WDR91: variants seen among roughly 807,000 people sequenced by gnomAD.
WDR91 encodes WD repeat domain 91.
WDR91 carries 52 observed loss-of-function variants against 88.4 expected under a neutral mutation model. The observed-to-expected ratio is 0.59, with a 90% CI of 0.47 to 0.74. The LOEUF is 0.74. Ranked by LOEUF, WDR91 falls within the 30% of genes least tolerant of loss-of-function variation. The pLI is 0.00. For missense variants in WDR91, 824 were observed against 954.5 expected, an observed-to-expected ratio of 0.86 and a Z score of 1.80; for synonymous variants, 362 against 389.5, an observed-to-expected ratio of 0.93 and a Z score of 0.83.
intron 6 of WDR91, among the ~76,000 whole-genome samples, chr7:135,203,341 A>G (rs1831640603): frequency 6.6e-6 from 1 of 152,230 alleles, no homozygotes; most frequent in South Asian, 2.1e-4. Context: ...CTGGTAGGAG[A>G]AGAAGCCACA....
chr7:135,201,137 G>A (rs537997832), intron 6 of WDR91, among the ~76,000 whole-genome samples: 61 of 152,214 alleles, frequency 4.0e-4, no homozygotes, highest in Middle Eastern at 3.4e-3. Flanking sequence ...CATTACAGCC[G>A]ATTAAAAGTT....
At chr7:135,210,066 C>T (rs747369951) in intron 1 of WDR91, among the ~76,000 whole-genome samples, 1 of 152,142 alleles carries the variant, frequency 6.6e-6, no homozygotes, top group African/African-American at 2.4e-5. Context: ...GCAGTGTCAT[C>T]AGGCCAGGCA....
chr7:135,198,340 TACCCGTTAAGAGGACAGGTC>T lies in WDR91; in HGVS notation c.892-209_892-190del, dbSNP rs1185575733. The stretch of plus-strand genomic sequence containing the variant: ...CTATGACCTCCTCCTTTCTGTCCTC[TACCCGTTAAGAGGACAGGTC>T]ACCTGCAATCCTCATCCTGCGGTAT... On this transcript the variant is annotated intron_variant, in intron 6 of 14. Coordinates refer to ENST00000354475, the MANE Select transcript of WDR91 (RefSeq NM_014149.4). 8 of 596,204 alleles carry T rather than the reference TACCCGTTAAGAGGACAGGTC, an allele frequency of 1.3e-5. No individual in the cohort carries two copies. The Admixed American group carries it at 2.5e-4, about 18-fold the overall frequency. 36.9% of individuals were successfully genotyped at this position (596,204 alleles called of 1,614,324 possible). A position where few individuals can be genotyped will look rare whatever the true frequency, so the allele number is the denominator to read the frequency against.
In WDR91 at chr7:135,193,374, TG is replaced by T; in HGVS notation, c.1515del (p.Asn506ThrfsTer30). 6.2e-7 allele frequency: 1 copy of T among 1,614,150 alleles called. No homozygotes were observed. On this transcript the variant is annotated frameshift_variant, in exon 11 of 15. Transcript: ENST00000354475. LOFTEE classifies it high-confidence loss of function. ...MPRILSLACSPNGASFVCSAA... is the reference protein window; with the variant it reads ...MPRILSLACSXNGASFVCSAA... ...GCCGAACAGACGAAAGAGGCCCCGT[TG>T]GGGCTGCACGCAAGAGACAGGATTC...
rs1585404086 is a variant in WDR91, at chr7:135,189,413, A to G, written c.1699T>C (p.Cys567Arg). 1 of 1,613,972 alleles carries G rather than the reference A, an allele frequency of 6.2e-7. No homozygotes were observed. The highest frequency in any genetic ancestry group is 8.5e-7 in the Non-Finnish European group (1 of 1,179,868). ...SLDPEPIAIN[C>R]TAFNHNGNLL... ...TTCCCGTTGTGATTGAAGGCTGTACAGTTGATAGCAATGGGTTCTGGATCC... is the reference window on the plus strand; with the variant it reads ...TTCCCGTTGTGATTGAAGGCTGTACGGTTGATAGCAATGGGTTCTGGATCC... Residue 567 changes from cysteine to arginine, a missense_variant, in exon 12 of 15, where the codon TGT becomes CGT. Coordinates refer to ENST00000354475, the MANE Select transcript of WDR91 (RefSeq NM_014149.4).
Position 135,210,704 on chromosome 7 carries a change from A to T in WDR91, c.123+676T>A, listed in dbSNP as rs1230999085. 5.8e-6 allele frequency: 4 copies of T among 692,752 alleles called. No homozygotes were observed. In the East Asian group the frequency reaches 1.1e-4, roughly 19 times the overall value. 42.9% of individuals were successfully genotyped at this position (692,752 alleles called of 1,614,324 possible). A position where few individuals can be genotyped will look rare whatever the true frequency, so the allele number is the denominator to read the frequency against. On this transcript the variant is annotated intron_variant, in intron 1 of 14. Transcript: ENST00000354475. ...GATTTGCTTTTGCCACTAAGTAGCC[A>T]CTAACTTTGGCCAGGCAGGAAACCA...
intron 6 of WDR91, among the ~76,000 whole-genome samples, chr7:135,202,603 T>C (rs1464229935): frequency 1.3e-5 from 2 of 152,226 alleles, no homozygotes; most frequent in African/African-American, 4.8e-5. Flanking sequence ...CCTAACCACA[T>C]AGAGTAGGGC....
chr7:135,199,326 CAAAG>C (rs1300458940), intron 6 of WDR91: 3 of 152,188 alleles, frequency 2.0e-5, no homozygotes, highest in African/African-American at 4.8e-5. Context: ...CTTCCGTGAA[CAAAG>C]AAAGGATGGT....
Position 135,196,022 on chromosome 7 carries a change from G to T in WDR91, c.1244+122C>A. On this transcript the variant is annotated intron_variant, in intron 8 of 14. Transcript: ENST00000354475. This position sits in a 1 kb window ranked among gnomAD's most constrained non-coding sequence, Gnocchi z 4.2. ...TCCAACCGACTCCCATGACTCTACTGCCATGACTGTGGCCCTCGTCCAAGC... is the reference window on the plus strand; with the variant it reads ...TCCAACCGACTCCCATGACTCTACTTCCATGACTGTGGCCCTCGTCCAAGC... The T allele has an allele frequency of 1.0e-6, 1 of 969,442 alleles. No individual in the cohort carries two copies. 60.1% of individuals were successfully genotyped at this position (969,442 alleles called of 1,614,324 possible).
Position 135,184,001 on chromosome 7 carries a change from T to TGAC in WDR91, c.*2147_*2149dup, listed in dbSNP as rs1323735525. Reference sequence around the variant, plus strand: ...ATTAAGGGGAGAGAAAACTTTGAGATGACAAGAGGAAACGTTAATACCATT... The same window carrying TGAC: ...ATTAAGGGGAGAGAAAACTTTGAGATGACGACAAGAGGAAACGTTAATACCATT... On this transcript the variant is annotated 3_prime_UTR_variant, in exon 15 of 15. Coordinates refer to ENST00000354475, the MANE Select transcript of WDR91 (RefSeq NM_014149.4). 3 of 152,076 alleles carry TGAC rather than the reference T, an allele frequency of 2.0e-5. No homozygotes were observed. The highest frequency in any genetic ancestry group is 2.9e-5 in the Non-Finnish European group (2 of 68,012). The allele number at this position is 152,076 out of a possible 1,614,324, so 9.4% of individuals were successfully genotyped here.
chr7:135,206,133 A>G (rs1831770168), intron 4 of WDR91, 75 bp from the exon 5 acceptor site: 17 of 1,594,254 alleles, frequency 1.1e-5, no homozygotes, highest in South Asian at 3.3e-5. Flanking sequence ...TTCTAGACAC[A>G]TCGCATCCAA....
At position 135,186,984 on chromosome 7, in the gene WDR91, G is replaced by A. The variant is rs769815980; in HGVS notation, c.2067C>T (p.Gly689=). Residue 689 remains glycine (G), a synonymous_variant, in exon 14 of 15, where the codon GGC becomes GGT. Coordinates refer to ENST00000354475, the MANE Select transcript of WDR91 (RefSeq NM_014149.4). ...AACCATCAGTTACCTTGTAGATGAC[G>A]CCGCCTGTGGCAGAACATGTCAGCA... ...NYMLTCSATG[G]VIYKLGGDEK... 48 of 1,613,712 alleles carry A rather than the reference G, an allele frequency of 3.0e-5. No homozygotes were observed. The Middle Eastern group carries it at 1.6e-3, about 52-fold the overall frequency.
intron 12 of WDR91, 93 bp downstream of exon 12, chr7:135,189,251 C>T: frequency 9.1e-7 from 1 of 1,103,144 alleles, no homozygotes; most frequent in South Asian, 1.4e-5. Context: ...GCAAAAGCCT[C>T]TAGCCCAGCT....
Position 135,206,042 on chromosome 7 carries a change from G to C in WDR91, c.611C>G (p.Ala204Gly), listed in dbSNP as rs1562956963. The change falls in exon 5 of 15, where the codon GCT (alanine) becomes GGT (glycine). Residue 204 changes from alanine (A) to glycine (G), a missense_variant. Transcript: ENST00000354475. ...VLRQKLFALQ[A>G]EIHRLKKEEQ... ...CTCTTTCTTCAGTCGGTGGATTTCA[G>C]CTTGCAATGCAAAAAGCTATACAGG... is the stretch of plus-strand genomic sequence containing the variant. 7 of 1,614,102 alleles carry C rather than the reference G, an allele frequency of 4.3e-6. No homozygotes were observed. Among genetic ancestry groups the C allele is most frequent in the South Asian group, 2.2e-5 (2 of 91,096 alleles).
At chr7:135,188,956 C>T (rs113466400) in intron 12 of WDR91, among the ~76,000 whole-genome samples, 11 of 152,332 alleles carry the variant, frequency 7.2e-5, no homozygotes, top group African/African-American at 2.6e-4. Flanking sequence ...ACACAGCATG[C>T]CAGGTGATTC....
In WDR91 at chr7:135,196,127, C is replaced by T. The variant is rs1216236537; in HGVS notation, c.1244+17G>A. ...TCTGAGCTTCCCAGGGTTTCCTTGG[C>T]CCCAGGCCCAACCCACCTGCAGTGC... On this transcript the variant is annotated intron_variant, in intron 8 of 14. Coordinates refer to ENST00000354475, the MANE Select transcript of WDR91 (RefSeq NM_014149.4). This position sits in a 1 kb window ranked among gnomAD's most constrained non-coding sequence, Gnocchi z 4.2. 2 of 1,483,362 alleles carry T rather than the reference C, an allele frequency of 1.3e-6. No individual in the cohort carries two copies. The highest frequency in any genetic ancestry group is 2.3e-5 in the Admixed American group (1 of 44,214). The allele number at this position is 1,483,362 out of a possible 1,614,324, so 91.9% of individuals were successfully genotyped here.
chr7:135,201,925 C>G (rs1250752313), intron 6 of WDR91, among the ~76,000 whole-genome samples: 1 of 152,074 alleles, frequency 6.6e-6, no homozygotes, highest in Admixed American at 6.6e-5. Flanking sequence ...ATTAGAATGT[C>G]CCCCAAAGCA....
intron 12 of WDR91, 32 bp from the exon 13 acceptor site, chr7:135,188,577 T>C: frequency 6.3e-7 from 1 of 1,577,852 alleles, no homozygotes; most frequent in Non-Finnish European, 8.7e-7. Flanking sequence ...ACTCACATCC[T>C]GGCCAGGGCT....
chr7:135,189,331 C>T lies in WDR91; in HGVS notation c.1768+13G>A. 1.2e-6 allele frequency: 2 copies of T among 1,609,252 alleles called. No homozygotes were observed. Among genetic ancestry groups the T allele is most frequent in the Non-Finnish European group, 1.7e-6 (2 of 1,176,652 alleles). On this transcript the variant is annotated intron_variant, in intron 12 of 14. Coordinates refer to ENST00000354475, the MANE Select transcript of WDR91 (RefSeq NM_014149.4). ...TAAGGAGATCAAGGATTGCTATGAG[C>T]ACACTTGCATACCAAACAGCCGGAT...
Sources: gnomAD v4.1 joint callset for allele counts (sites outside exome capture counted in the v4.1 genomes callset) on GRCh38, gnomAD v4.1.1 for gene constraint, Gnocchi (gnomAD v3.1) non-coding constraint, MANE v1.5 for transcripts, NCBI Gene and HGNC (gene_info 2026-07-23, HGNC 2026-07-21) for gene names.